The following GTF2A1L variants were observed in gnomAD, a reference collection of about 807,000 sequenced individuals.
GTF2A1L encodes the protein general transcription factor IIA subunit 1 like.
In GTF2A1L, 48 loss-of-function variants were observed where a neutral mutation model predicts 49.7. The ratio of observed to expected loss-of-function variants is 0.97; its 90% confidence interval spans 0.77 to 1.23. The LOEUF is 1.23. Ranked by LOEUF, GTF2A1L falls within the 50% of genes most tolerant of loss-of-function variation. GTF2A1L has a pLI of 0.00. For missense variants in GTF2A1L, 736 were observed against 564.8 expected, an observed-to-expected ratio of 1.30 and a Z score of -3.07; for synonymous variants, 246 against 193.5, an observed-to-expected ratio of 1.27 and a Z score of -2.25.
rs1677547895 is a variant in GTF2A1L at position 48,646,906 on chromosome 2, C to T, written c.842C>T (p.Thr281Ile). 1 of 1,614,188 alleles carries T rather than the reference C, an allele frequency of 6.2e-7. No homozygotes were observed. Among genetic ancestry groups the T allele is most frequent in the African/African-American group, 1.3e-5 (1 of 75,042 alleles). The change falls in exon 6 of 9, where the codon ACA (threonine) becomes ATA (isoleucine). Residue 281 changes from threonine (T) to isoleucine (I), a missense_variant. Thr to Ile is a moderately conservative substitution (Grantham distance 89). Transcript: ENST00000403751. ...AATCTGCATGATGAGTCCCTCTCCACAAGCCCTCATGGGGCTCTCCACCAG... is the reference window on the plus strand; with the variant it reads ...AATCTGCATGATGAGTCCCTCTCCATAAGCCCTCATGGGGCTCTCCACCAG... ...AQNLHDESLSTSPHGALHQHV... is the reference protein window; with the variant it reads ...AQNLHDESLSISPHGALHQHV...
At chr2:48,654,381 G>GT (rs1558747494) in intron 6 of GTF2A1L, among the ~76,000 whole-genome samples, 1 of 151,994 alleles carries the variant, frequency 6.6e-6, no homozygotes, top group Non-Finnish European at 1.5e-5. Flanking sequence ...TTTGTATATG[G>GT]TGCAAGGTTA....
chr2:48,672,256 T>C (rs1448862317), intron 8 of GTF2A1L, among the ~76,000 whole-genome samples: 2 of 152,218 alleles, frequency 1.3e-5, no homozygotes, highest in Non-Finnish European at 2.9e-5. Context: ...ATGTAGTATG[T>C]ACAAGGGACA....
At chr2:48,633,016 C>A in intron 3 of GTF2A1L, 1 of 237,270 alleles carries the variant, frequency 4.2e-6, no homozygotes, top group Non-Finnish European at 8.7e-6. Context: ...CAGCTTCTGT[C>A]ATAAAAGGTT....
chr2:48,621,320 T>C, intron 3 of GTF2A1L, 30 bp downstream of exon 3: 1 of 1,613,642 alleles, frequency 6.2e-7, no homozygotes. Flanking sequence ...TGAGTACTGT[T>C]AGTATCTTCA....
At chr2:48,677,445 A>G (rs939668740) in intron 8 of GTF2A1L, among the ~76,000 whole-genome samples, 3 of 151,952 alleles carry the variant, frequency 2.0e-5, no homozygotes, top group Non-Finnish European at 2.9e-5. Context: ...CAAGAAATAC[A>G]AAAGTCCTGA....
At chr2:48,665,646 C>T (rs772989851) in intron 6 of GTF2A1L, among the ~76,000 whole-genome samples, 21 of 151,900 alleles carry the variant, frequency 1.4e-4, no homozygotes, top group Non-Finnish European at 2.5e-4. Context: ...CTTTCTGTTA[C>T]TGGTTTCTAG....
intron 6 of GTF2A1L, among the ~76,000 whole-genome samples, chr2:48,658,561 T>C (rs9917130): frequency 0.047 from 7,128 of 152,114 alleles, 550 homozygotes; most frequent in African/African-American, 0.16. Flanking sequence ...GTTCTTTTTG[T>C]CTGTGATTGT....
intron 6 of GTF2A1L, among the ~76,000 whole-genome samples, chr2:48,653,191 A>C (rs898508594): frequency 2.7e-5 from 4 of 146,958 alleles, no homozygotes; most frequent in African/African-American, 1.0e-4. Flanking sequence ...ACTGCACTCC[A>C]GCCTGGGTGA....
intron 6 of GTF2A1L, among the ~76,000 whole-genome samples, chr2:48,652,601 C>A (rs182526149): frequency 6.6e-6 from 1 of 151,262 alleles, no homozygotes; most frequent in African/African-American, 2.4e-5. Flanking sequence ...GGCAACAGAG[C>A]GAGACCCCAT....
intron 6 of GTF2A1L, among the ~76,000 whole-genome samples, chr2:48,653,715 T>C (rs1229850367): frequency 1.3e-5 from 2 of 151,972 alleles, no homozygotes; most frequent in African/African-American, 4.8e-5. Context: ...GTTGGATCAC[T>C]TGAGGTCAGG....
chr2:48,648,736 C>G (rs1677676977), intron 6 of GTF2A1L, among the ~76,000 whole-genome samples: 1 of 151,986 alleles, frequency 6.6e-6, no homozygotes, highest in Admixed American at 6.5e-5. Context: ...TGCTATTATG[C>G]TCTATGAGCT....
chr2:48,654,254 A>G (rs1342219143), intron 6 of GTF2A1L, among the ~76,000 whole-genome samples: 1 of 152,114 alleles, frequency 6.6e-6, no homozygotes, highest in Non-Finnish European at 1.5e-5. Context: ...AGTCCCGTAT[A>G]TTATTTTGAC....
intron 8 of GTF2A1L, among the ~76,000 whole-genome samples, chr2:48,677,458 T>C (rs932971343): frequency 2.0e-5 from 3 of 151,802 alleles, no homozygotes; most frequent in Non-Finnish European, 2.9e-5. Flanking sequence ...AGTCCTGAGG[T>C]AGGAGTATGC....
intron 3 of GTF2A1L, among the ~76,000 whole-genome samples, chr2:48,635,459 C>A (rs1248151093): frequency 2.0e-5 from 3 of 151,936 alleles, no homozygotes; most frequent in Admixed American, 1.3e-4. Context: ...GCAGAGGGGA[C>A]CCCACTTCAC....
chr2:48,646,115 T>C (rs553220870), intron 5 of GTF2A1L, among the ~76,000 whole-genome samples: 2 of 152,284 alleles, frequency 1.3e-5, no homozygotes, highest in African/African-American at 4.8e-5. Context: ...TCCAGTTTTT[T>C]GGCTGATAAC....
At chr2:48,652,391 G>A (rs1434816304) in intron 6 of GTF2A1L, among the ~76,000 whole-genome samples, 4 of 151,966 alleles carry the variant, frequency 2.6e-5, no homozygotes, top group Non-Finnish European at 5.9e-5. Context: ...CAAAGCGGAT[G>A]GATCACTTGA....
At chr2:48,665,565 T>A (rs1375071296) in intron 6 of GTF2A1L, among the ~76,000 whole-genome samples, 1 of 152,200 alleles carries the variant, frequency 6.6e-6, no homozygotes, top group East Asian at 1.9e-4. Flanking sequence ...TCTTATGATT[T>A]AGTCTTTGAC....
intron 3 of GTF2A1L, among the ~76,000 whole-genome samples, chr2:48,640,956 T>A (rs529474952): frequency 5.3e-5 from 8 of 152,316 alleles, no homozygotes; most frequent in African/African-American, 1.9e-4. Flanking sequence ...ATTATAAAAC[T>A]GTTCAATGCT....
chr2:48,642,744 T>A (rs564002739), intron 4 of GTF2A1L, among the ~76,000 whole-genome samples: 47 of 150,998 alleles, frequency 3.1e-4, no homozygotes, highest in Non-Finnish European at 5.3e-4. Context: ...TAATCCCAGC[T>A]ACTCAGGAGG....
Sources: allele counts gnomAD v4.1 joint callset (sites outside exome capture counted in the v4.1 genomes callset), GRCh38; gene constraint gnomAD v4.1.1; transcripts MANE v1.5; gene names NCBI Gene and HGNC (gene_info 2026-07-23, HGNC 2026-07-21).